The following OBP2A variants were observed in gnomAD, a reference collection of about 807,000 sequenced individuals.
OBP2A encodes the protein odorant binding protein 2A.
A neutral mutation model predicts 21.9 loss-of-function variants in OBP2A; 15 were observed. That is an observed-to-expected ratio of 0.69 (90% CI 0.46 to 1.06). The LOEUF is 1.06. Ranked by LOEUF, OBP2A falls within the 50% of genes least tolerant of loss-of-function variation. The pLI is 0.00. For synonymous variants in OBP2A, 86 were observed against 91.8 expected (o/e 0.94, Z 0.36); for missense variants, 192 against 220.1 (o/e 0.87, Z 0.81).
intron 4 of OBP2A, 100 bp from the exon 5 acceptor site, chr9:135,548,608 C>G (rs578185697): frequency 2.6e-5 from 40 of 1,561,166 alleles, no homozygotes; most frequent in Admixed American, 1.3e-4. Context: ...GCCTCTCCCC[C>G]GTCCTGATGC....
Position 135,549,867 on chromosome 9 carries a change from C to G in OBP2A, c.*32C>G. ...CCCGGGTCTGCACCTCCAGAGCCCA[C>G]CCTACCACCAGACACAGAGCCCGGA... On this transcript the variant is annotated 3_prime_UTR_variant, in exon 7 of 7. Transcript: ENST00000371776. 1 of 1,549,146 alleles carries G rather than the reference C, an allele frequency of 6.5e-7. No individual in the cohort carries two copies. Among genetic ancestry groups the G allele is most frequent in the Non-Finnish European group, 8.7e-7 (1 of 1,146,294 alleles).
At chr9:135,548,207 G>A (rs1476682408) in intron 4 of OBP2A, among the ~76,000 whole-genome samples, 1 of 152,188 alleles carries the variant, frequency 6.6e-6, no homozygotes, top group Non-Finnish European at 1.5e-5. Context: ...ACATGAACCT[G>A]CCAAGGGCCG....
chr9:135,546,246 G>A lies in OBP2A; in HGVS notation c.66G>A (p.Glu22=). ...CTGCCCTGTCCTTCACCCTGGAGGA[G>A]GAGGATGTGAGCTGGGTTGGCGTGG... ...LAAALSFTLE[E]EDITGTWYVK... The change falls in exon 1 of 7, where the codon GAG becomes GAA. Residue 22 remains glutamate, a synonymous_variant. Transcript: ENST00000371776. 7 of 1,509,608 alleles carry A rather than the reference G, an allele frequency of 4.6e-6. No individual in the cohort carries two copies. The highest frequency in any genetic ancestry group is 6.4e-6 in the Non-Finnish European group (7 of 1,100,222). The allele number at this position is 1,509,608 out of a possible 1,614,324, so 93.5% of individuals were successfully genotyped here.
At chr9:135,547,023 G>T (rs998626813) in intron 2 of OBP2A, 112 bp downstream of exon 2, 15 of 1,556,494 alleles carry the variant, frequency 9.6e-6, no homozygotes, top group Non-Finnish European at 1.3e-5. Flanking sequence ...GTCACCCCCT[G>T]CCTTGGAGGG....
chr9:135,547,088 G>C, intron 2 of OBP2A, 90 bp from the exon 3 acceptor site: 1 of 1,501,476 alleles, frequency 6.7e-7, no homozygotes, highest in Non-Finnish European at 9.3e-7. Flanking sequence ...GGAATTTTCA[G>C]GTTGCCGGGT....
chr9:135,548,407 G>A (rs1224046146), intron 4 of OBP2A, among the ~76,000 whole-genome samples: 1 of 143,682 alleles, frequency 7.0e-6, no homozygotes, highest in Non-Finnish European at 1.6e-5. Context: ...TGGGGTTGCT[G>A]AGTGGCTTGG....
intron 3 of OBP2A, among the ~76,000 whole-genome samples, chr9:135,547,529 G>C (rs1054105004): frequency 1.3e-5 from 2 of 152,232 alleles, no homozygotes; most frequent in Non-Finnish European, 2.9e-5. Flanking sequence ...CCAGGAGGCC[G>C]AGGGTTAGGG....
intron 3 of OBP2A, among the ~76,000 whole-genome samples, chr9:135,547,557 A>G (rs901594037): frequency 5.9e-5 from 9 of 152,264 alleles, no homozygotes; most frequent in African/African-American, 2.2e-4. Context: ...GCCAAGGCTG[A>G]GGGTTTGGGA....
chr9:135,548,527 C>G (rs1332479670), intron 4 of OBP2A, 181 bp from the exon 5 acceptor site: 1 of 802,780 alleles, frequency 1.2e-6, no homozygotes, highest in East Asian at 2.7e-5. Flanking sequence ...TCCTCTCCCC[C>G]TTGCCTGGTG....
Position 135,547,221 on chromosome 9 carries a change from A to G in OBP2A, c.250A>G (p.Thr84Ala). 1.9e-6 allele frequency: 3 copies of G among 1,613,382 alleles called. No individual in the cohort carries two copies. Among genetic ancestry groups the G allele is most frequent in the Non-Finnish European group, 2.5e-6 (3 of 1,179,992 alleles). The change falls in exon 3 of 7, where the codon ACG becomes GCG. Residue 84 changes from threonine (T) to alanine (A), a missense_variant. Thr to Ala is a moderately conservative substitution (Grantham distance 58, BLOSUM62 0). Transcript: ENST00000371776. ...CIQKKILMRK[T>A]EEPGKFSAYG... ...CCAGAAGAAAATCCTGATGCGGAAG[A>G]CGGAGGAGCCTGGCAAATTCAGCGC...
chr9:135,548,074 G>C, intron 4 of OBP2A, 93 bp downstream of exon 4: 1 of 897,372 alleles, frequency 1.1e-6, no homozygotes, highest in Non-Finnish European at 1.7e-6. Context: ...GGCACGGGGG[G>C]AAAAGGAAGC....
At chr9:135,548,991 T>C (rs1250124885) in intron 5 of OBP2A, among the ~76,000 whole-genome samples, 182 bp downstream of exon 5, 1 of 142,014 alleles carries the variant, frequency 7.0e-6, no homozygotes, top group African/African-American at 2.9e-5. Flanking sequence ...TGGGCTGCGA[T>C]GCGGTCTGGG....
At chr9:135,548,653 C>G in intron 4 of OBP2A, 55 bp from the exon 5 acceptor site, 1 of 1,611,230 alleles carries the variant, frequency 6.2e-7, no homozygotes. Context: ...CATCTGCTCC[C>G]TGCAGGGCCG....
rs373559473 is a variant in OBP2A, at chr9:135,547,148, G to T, written c.207-30G>T. 145 of 1,597,894 alleles carry T rather than the reference G, an allele frequency of 9.1e-5. 1 individual carries two copies. The highest frequency in any genetic ancestry group is 1.2e-4 in the Non-Finnish European group (141 of 1,167,746). On this transcript the variant is annotated intron_variant, in intron 2 of 6. Transcript: ENST00000371776. ...AGGATGGGCCAGGTGTGTCCTGGGA[G>T]CCGCTGCCCGAGTGTCTCCTGTTTT... is the stretch of plus-strand genomic sequence containing the variant.
chr9:135,547,711 C>A (rs530562062), intron 3 of OBP2A, among the ~76,000 whole-genome samples, 160 bp from the exon 4 acceptor site: 3 of 152,236 alleles, frequency 2.0e-5, no homozygotes, highest in Non-Finnish European at 4.4e-5. Context: ...CTCCTGCCTC[C>A]GTGTCCGGGT....
rs548519098 is a variant in OBP2A, at chr9:135,546,438, C to T, written c.72+186C>T. ...GACACGGCCCCCCGAGGCCCAGGGC[C>T]GGAGCAGGCTCGGCTCAGGGGTTCC... On this transcript the variant is annotated intron_variant, in intron 1 of 6. Transcript: ENST00000371776. Among the ~76,000 whole-genome samples the T allele has an allele frequency of 4.5e-3, 687 of 151,936 alleles. 3 individuals are homozygous for T. The highest frequency in any genetic ancestry group is 7.7e-3 in the Non-Finnish European group (525 of 67,938).
Position 135,547,170 on chromosome 9 carries a change from T to C in OBP2A, c.207-8T>C. The C allele has an allele frequency of 6.2e-7, 1 of 1,611,766 alleles. No homozygotes were observed. The highest frequency in any genetic ancestry group is 1.7e-5 in the Admixed American group (1 of 59,982). ...GGAGCCGCTGCCCGAGTGTCTCCTG[T>C]TTTCCAGGAGGGAGGATCGGTGCAT... On this transcript the variant is annotated splice_region_variant and splice_polypyrimidine_tract_variant and intron_variant, in intron 2 of 6. Coordinates refer to ENST00000371776, the MANE Select transcript of OBP2A (RefSeq NM_014582.3).
At chr9:135,548,882 A>G (rs3827839) in intron 5 of OBP2A, 73 bp downstream of exon 5, 1,102,558 of 1,465,132 alleles carry the variant, frequency 0.75, 417,291 homozygotes, top group East Asian at 0.97. Flanking sequence ...CATGACCCCC[A>G]TGTCCTCCCA....
At position 135,546,850 on chromosome 9, in the gene OBP2A, G is replaced by C. The variant is rs755332106; in HGVS notation, c.145G>C (p.Val49Leu). 1 of 1,613,750 alleles carries C rather than the reference G, an allele frequency of 6.2e-7. No homozygotes were observed. The highest frequency in any genetic ancestry group is 1.7e-5 in the Admixed American group (1 of 59,996). ...DFPEDRRPRK[V>L]SPVKVTALGG... Reference sequence around the variant, plus strand: ...TCCGGAGGACAGGAGGCCCAGGAAGGTGTCCCCAGTGAAGGTGACAGCCCT... The same window carrying C: ...TCCGGAGGACAGGAGGCCCAGGAAGCTGTCCCCAGTGAAGGTGACAGCCCT... The change falls in exon 2 of 7, where the codon GTG (valine) becomes CTG (leucine). Residue 49 changes from valine (V) to leucine (L), a missense_variant. Physicochemically the swap from Val to Leu is conservative, Grantham distance 32 (BLOSUM62 1). Transcript: ENST00000371776.
Sources: gnomAD v4.1 joint callset for allele counts (sites outside exome capture counted in the v4.1 genomes callset) on GRCh38, gnomAD v4.1.1 for gene constraint, MANE v1.5 for transcripts, NCBI Gene and HGNC (gene_info 2026-07-23, HGNC 2026-07-21) for gene names.